The following NBAS variants were observed in gnomAD, a reference collection of about 807,000 sequenced individuals.
NBAS encodes NBAS subunit of NRZ tethering complex.
In NBAS, 219 loss-of-function variants were observed where a neutral mutation model predicts 302.5. That is an observed-to-expected ratio of 0.72 (90% CI 0.65 to 0.81). NBAS has a LOEUF of 0.81. Ranked by LOEUF, NBAS falls within the 30% of genes least tolerant of loss-of-function variation. The pLI is 0.00. For synonymous variants in NBAS, 1,118 were observed against 1,021.6 expected (o/e 1.09, Z -1.80); for missense variants, 2,932 against 2,841.6 (o/e 1.03, Z -0.72).
At chr2:15,186,934 AT>A (rs1296913368) in intron 49 of NBAS, 54 bp from the exon 50 acceptor site, 2 of 1,608,706 alleles carry the variant, frequency 1.2e-6, no homozygotes, top group Non-Finnish European at 1.7e-6. Flanking sequence ...AGTTATCATA[AT>A]TGTGATAAAT....
At chr2:14,919,804 T>G in the NBAS span, among the ~76,000 whole-genome samples, 1 of 152,204 alleles carries the variant, frequency 6.6e-6, no homozygotes, top group South Asian at 2.1e-4. Context: ...CAGTCACATC[T>G]TCAGGCTCCA....
At chr2:15,332,273 A>G (rs922541548) in intron 35 of NBAS, among the ~76,000 whole-genome samples, 1 of 152,208 alleles carries the variant, frequency 6.6e-6, no homozygotes, top group African/African-American at 2.4e-5. Flanking sequence ...TGTGGCTCTA[A>G]GAAGAGATTC....
the NBAS span, among the ~76,000 whole-genome samples, chr2:14,834,603 G>A: frequency 2.6e-5 from 4 of 152,130 alleles, no homozygotes; most frequent in Non-Finnish European, 4.4e-5. Flanking sequence ...TTACACACAG[G>A]AAGACTACAG....
chr2:15,310,377 A>G (rs1156736086), intron 38 of NBAS, among the ~76,000 whole-genome samples: 3 of 152,200 alleles, frequency 2.0e-5, no homozygotes, highest in Non-Finnish European at 2.9e-5. Context: ...CTTAGGAACC[A>G]AATGGACCAC....
At chr2:14,812,825 G>A in the NBAS span, among the ~76,000 whole-genome samples, 17 of 152,280 alleles carry the variant, frequency 1.1e-4, no homozygotes, top group East Asian at 1.9e-4. Flanking sequence ...CCCAAATCGC[G>A]TGTTGATTTG....
At chr2:15,327,153 T>C (rs1415030692) in intron 38 of NBAS, among the ~76,000 whole-genome samples, 1 of 152,074 alleles carries the variant, frequency 6.6e-6, no homozygotes, top group Non-Finnish European at 1.5e-5. Flanking sequence ...ACATCTGAAA[T>C]ATAGACAAGA....
the NBAS span, among the ~76,000 whole-genome samples, chr2:15,041,070 A>C: frequency 6.6e-6 from 1 of 152,144 alleles, no homozygotes; most frequent in Admixed American, 6.5e-5. Flanking sequence ...ACAATCCTTC[A>C]ATAGGAGCTC....
chr2:14,872,693 T>C, the NBAS span, among the ~76,000 whole-genome samples: 1 of 152,120 alleles, frequency 6.6e-6, no homozygotes, highest in African/African-American at 2.4e-5. Flanking sequence ...GGTGAGTTCG[T>C]GGTCTCACTG....
chr2:15,168,870 C>A (rs935000014), intron 51 of NBAS, among the ~76,000 whole-genome samples: 2 of 152,192 alleles, frequency 1.3e-5, no homozygotes, highest in African/African-American at 4.8e-5. Context: ...CTCAGGTGAT[C>A]CACTCACTTT....
chr2:15,525,734 T>C (rs1662885632), intron 9 of NBAS, among the ~76,000 whole-genome samples: 1 of 152,182 alleles, frequency 6.6e-6, no homozygotes, highest in African/African-American at 2.4e-5. Context: ...ACTAACTAAC[T>C]TTTTGTAGCT....
the NBAS span, among the ~76,000 whole-genome samples, chr2:15,122,521 C>A: frequency 6.6e-6 from 1 of 152,176 alleles, no homozygotes; most frequent in Non-Finnish European, 1.5e-5. Flanking sequence ...CCAATCACCT[C>A]CCACCTGGCC....
chr2:14,787,350 T>C, the NBAS span, among the ~76,000 whole-genome samples: 1 of 152,180 alleles, frequency 6.6e-6, no homozygotes, highest in Non-Finnish European at 1.5e-5. Flanking sequence ...ATGTGTGAAT[T>C]TGATCCTGTC....
chr2:15,082,489 C>T, the NBAS span, among the ~76,000 whole-genome samples: 60 of 152,302 alleles, frequency 3.9e-4, no homozygotes, highest in African/African-American at 1.3e-3. Flanking sequence ...CTTTCACTCT[C>T]TCTGGGCCTT....
the NBAS span, among the ~76,000 whole-genome samples, chr2:14,804,603 T>C: frequency 1.3e-5 from 2 of 152,226 alleles, no homozygotes; most frequent in African/African-American, 4.8e-5. Flanking sequence ...AATCAATCAG[T>C]ATTTGTTAAT....
chr2:15,317,746 T>C (rs1021224660), intron 38 of NBAS, among the ~76,000 whole-genome samples: 24 of 152,100 alleles, frequency 1.6e-4, no homozygotes, highest in African/African-American at 5.8e-4. Context: ...TATGGGACTA[T>C]GTGAAAAGAC....
intron 45 of NBAS, among the ~76,000 whole-genome samples, chr2:15,236,662 T>G (rs1667610393): frequency 6.6e-6 from 1 of 150,378 alleles, no homozygotes; most frequent in South Asian, 2.1e-4. Flanking sequence ...TATTTAAAAA[T>G]AAGTACTTAA....
the NBAS span, among the ~76,000 whole-genome samples, chr2:14,822,689 C>T: frequency 6.6e-6 from 1 of 152,158 alleles, no homozygotes; most frequent in Non-Finnish European, 1.5e-5. Flanking sequence ...GTGTAACCTC[C>T]CAGTGAAAAC....
At chr2:15,309,019 T>TAATA (rs1434826350) in intron 39 of NBAS, 152 bp downstream of exon 39, 1 of 319,984 alleles carries the variant, frequency 3.1e-6, no homozygotes, top group African/African-American at 2.3e-5. Flanking sequence ...TAAAGTATAA[T>TAATA]AATAAATACA....
chr2:15,356,612 A>C (rs1169728089), intron 32 of NBAS, among the ~76,000 whole-genome samples, 196 bp from the exon 33 acceptor site: 2 of 152,200 alleles, frequency 1.3e-5, no homozygotes, highest in African/African-American at 4.8e-5. Flanking sequence ...GTCTCCTAAG[A>C]GATCAATGAT....
Sources: gnomAD v4.1 joint callset for allele counts (sites outside exome capture counted in the v4.1 genomes callset) on GRCh38, gnomAD v4.1.1 for gene constraint, MANE v1.5 for transcripts, NCBI Gene and HGNC (gene_info 2026-07-23, HGNC 2026-07-21) for gene names.